Variants in BMP8A observed in about 807,000 individuals in gnomAD.
BMP8A encodes the protein bone morphogenetic protein 8a, also known as BMP-8A.
BMP8A carries 14 observed loss-of-function variants against 36.8 expected under a neutral mutation model. The ratio of observed to expected loss-of-function variants is 0.38; its 90% CI spans 0.25 to 0.60. The LOEUF is 0.60. Ranked by LOEUF, BMP8A falls within the 20% of genes least tolerant of loss-of-function variation. The pLI is 0.63. For missense variants in BMP8A, 267 were observed against 551.1 expected (o/e 0.48, Z 5.16); for synonymous variants, 120 against 237.7 (o/e 0.50, Z 4.55).
chr1:39,506,295 T>C (rs775954109), intron 1 of BMP8A, among the ~76,000 whole-genome samples: 11 of 152,266 alleles, frequency 7.2e-5, no homozygotes, highest in Non-Finnish European at 1.6e-4. Context: ...CTGCAACCTC[T>C]GCCTCCCAGG....
intron 1 of BMP8A, among the ~76,000 whole-genome samples, chr1:39,509,562 G>T (rs146984736): frequency 2.0e-5 from 3 of 152,038 alleles, no homozygotes; most frequent in Admixed American, 6.5e-5. Flanking sequence ...TTTTTCCTCC[G>T]CCCTGGCCTG....
rs1645297045 is a variant in BMP8A at position 39,505,974 on chromosome 1, A to T, written c.335-5200A>T. On this transcript the variant is annotated intron_variant, in intron 1 of 6. Transcript: ENST00000331593. Reference sequence around the variant, plus strand: ...GCACTCCAGCCTGGGTGACAGAGCAAGACCCTGTCTCCAAAAAAAAAAAAA... The same window carrying T: ...GCACTCCAGCCTGGGTGACAGAGCATGACCCTGTCTCCAAAAAAAAAAAAA... Among the ~76,000 whole-genome samples the T allele has an allele frequency of 3.8e-5, 4 of 104,132 alleles. No individual in the cohort carries two copies. The Admixed American group carries it at 4.8e-4, about 13-fold the overall frequency. 68.3% of individuals were successfully genotyped at this position (104,132 alleles called of 152,430 possible). A position where few individuals can be genotyped will look rare whatever the true frequency, so the allele number is the denominator to read the frequency against.
intron 1 of BMP8A, among the ~76,000 whole-genome samples, chr1:39,503,279 G>C (rs1277244589): frequency 6.6e-6 from 1 of 152,056 alleles, no homozygotes; most frequent in East Asian, 1.9e-4. Flanking sequence ...GAGGTGGGAG[G>C]ATCCCTTGAG....
At chr1:39,517,644 T>C (rs1432605076) in intron 3 of BMP8A, among the ~76,000 whole-genome samples, 1 of 152,166 alleles carries the variant, frequency 6.6e-6, no homozygotes, top group Non-Finnish European at 1.5e-5. Flanking sequence ...CGTTATCTGG[T>C]ATTTCTTCTG....
intron 1 of BMP8A, among the ~76,000 whole-genome samples, chr1:39,502,235 CAAAA>C (rs144694221): frequency 8.1e-6 from 1 of 123,156 alleles, no homozygotes. Context: ...GAGACTGTCT[CAAAA>C]AAAAAAAAAA....
At position 39,525,248 on chromosome 1, in the gene BMP8A, G is replaced by C. The variant is rs1324527111; in HGVS notation, c.1060-401G>C. The C allele has an allele frequency of 3.8e-5, 7 of 186,142 alleles. No individual in the cohort carries two copies. In the East Asian group the frequency reaches 1.1e-3, roughly 29 times the overall value. The allele number at this position is 186,142 out of a possible 1,614,324, so 11.5% of individuals were successfully genotyped here. On this transcript the variant is annotated intron_variant, in intron 6 of 6. Transcript: ENST00000331593. The stretch of plus-strand genomic sequence containing the variant: ...GTGGGGAGGCAGAGCCTCTGGGGGG[G>C]TCTGAAGGGCTATAAGAAGACAGTG...
chr1:39,500,430 G>A (rs1221875914), intron 1 of BMP8A, among the ~76,000 whole-genome samples: 5 of 152,198 alleles, frequency 3.3e-5, no homozygotes, highest in Non-Finnish European at 5.9e-5. Context: ...GGGTGCTGCT[G>A]AACATCCTGC....
chr1:39,517,070 C>A (rs1645400160), intron 3 of BMP8A, among the ~76,000 whole-genome samples: 1 of 152,078 alleles, frequency 6.6e-6, no homozygotes, highest in Non-Finnish European at 1.5e-5. Flanking sequence ...CTCACTGCAA[C>A]CTCTGCCTCC....
At chr1:39,493,613 C>G (rs1645180277) in intron 1 of BMP8A, among the ~76,000 whole-genome samples, 1 of 152,240 alleles carries the variant, frequency 6.6e-6, no homozygotes, top group Non-Finnish European at 1.5e-5. Flanking sequence ...CTCTGCTTCC[C>G]GCAACCCAGA....
intron 1 of BMP8A, 106 bp downstream of exon 1, chr1:39,492,431 C>T (rs778185697): frequency 4.4e-5 from 60 of 1,362,886 alleles, no homozygotes; most frequent in Non-Finnish European, 3.8e-5. Flanking sequence ...GAATCACAGA[C>T]GGTGGACGCG....
intron 1 of BMP8A, among the ~76,000 whole-genome samples, chr1:39,502,000 G>A (rs1645257360): frequency 6.6e-6 from 1 of 151,600 alleles, no homozygotes; most frequent in South Asian, 2.1e-4. Flanking sequence ...AGCACTTTGG[G>A]AGGCCAAGGC....
chr1:39,523,641 G>A, intron 6 of BMP8A: 2 of 1,449,536 alleles, frequency 1.4e-6, no homozygotes, highest in Non-Finnish European at 1.8e-6. Context: ...TTCTCTCTTG[G>A]CTGTCTGTGT....
At chr1:39,501,956 T>A (rs1372907859) in intron 1 of BMP8A, among the ~76,000 whole-genome samples, 1 of 151,440 alleles carries the variant, frequency 6.6e-6, no homozygotes, top group Non-Finnish European at 1.5e-5. Flanking sequence ...AACCCCACAC[T>A]GGGCCGGGCG....
intron 1 of BMP8A, among the ~76,000 whole-genome samples, chr1:39,501,203 A>C (rs547087483): frequency 6.6e-6 from 1 of 152,288 alleles, no homozygotes; most frequent in Admixed American, 6.5e-5. Context: ...CCTCCATGGC[A>C]TTAGTCTGTG....
chr1:39,522,516 A>C, intron 5 of BMP8A, 34 bp downstream of exon 5: 1 of 1,612,220 alleles, frequency 6.2e-7, no homozygotes, highest in East Asian at 2.2e-5. Context: ...CTGAAATGAC[A>C]ATCACCACCT....
At chr1:39,511,107 A>G in intron 1 of BMP8A, 67 bp from the exon 2 acceptor site, 2 of 1,545,456 alleles carry the variant, frequency 1.3e-6, no homozygotes, top group South Asian at 2.4e-5. Context: ...GGTGGCTCAC[A>G]CCAGCTCTGC....
chr1:39,496,241 GA>G (rs774044263), intron 1 of BMP8A, among the ~76,000 whole-genome samples: 9 of 143,604 alleles, frequency 6.3e-5, no homozygotes, highest in Admixed American at 2.1e-4. Context: ...ATATAACAAT[GA>G]GAGAAGTAAA....
At chr1:39,493,366 G>A (rs1167425604) in intron 1 of BMP8A, among the ~76,000 whole-genome samples, 9 of 152,212 alleles carry the variant, frequency 5.9e-5, no homozygotes, top group Non-Finnish European at 1.0e-4. Context: ...GAGAGGCAGC[G>A]CCATGCCTAG....
Position 39,528,611 on chromosome 1 carries a change from A to C in BMP8A, c.*2813A>C, listed in dbSNP as rs1172216781. On this transcript the variant is annotated 3_prime_UTR_variant, in exon 7 of 7. Coordinates refer to ENST00000331593, the MANE Select transcript of BMP8A (RefSeq NM_181809.4). Reference sequence around the variant, plus strand: ...GGACCGGGCGATGCGCTTTAGAGAAATTCCCTATTATTTCACAGGAAAGGA... The same window carrying C: ...GGACCGGGCGATGCGCTTTAGAGAACTTCCCTATTATTTCACAGGAAAGGA... 6.6e-6 allele frequency among the ~76,000 whole-genome samples: 1 copy of C among 151,888 alleles called. No homozygotes were observed. Among genetic ancestry groups the C allele is most frequent in the African/African-American group, 2.4e-5 (1 of 41,324 alleles).
Sources: gnomAD v4.1 joint callset for allele counts (sites outside exome capture counted in the v4.1 genomes callset) on GRCh38, gnomAD v4.1.1 for gene constraint, MANE v1.5 for transcripts, NCBI Gene and HGNC (gene_info 2026-07-23, HGNC 2026-07-21) for gene names.